CEP128: variants seen among roughly 807,000 people sequenced by gnomAD.
The protein encoded by CEP128 is centrosomal protein 128, also known as centrosomal protein 128kDa.
In CEP128, 132 loss-of-function variants were observed where a neutral mutation model predicts 156.7. The observed-to-expected ratio is 0.84, with a 90% CI of 0.73 to 0.97. The LOEUF is 0.97. Ranked by LOEUF, CEP128 falls within the 50% of genes least tolerant of loss-of-function variation. CEP128 has a pLI of 0.00. For missense variants in CEP128, 1,252 were observed against 1,281.9 expected (o/e 0.98, Z 0.36); for synonymous variants, 469 against 448.9 (o/e 1.04, Z -0.57).
upstream of CEP128, among the ~76,000 whole-genome samples, chr14:80,944,449 G>A (rs1886278776): frequency 6.6e-6 from 1 of 152,280 alleles, no homozygotes; most frequent in East Asian, 1.9e-4. Flanking sequence ...ATGTGAAGAA[G>A]GATGTGTTTG....
At chr14:80,714,500 T>G (rs1897531716) in intron 19 of CEP128, among the ~76,000 whole-genome samples, 1 of 152,206 alleles carries the variant, frequency 6.6e-6, no homozygotes, top group Admixed American at 6.5e-5. Context: ...TGCATGTATG[T>G]GTTTGTCCAA....
intron 16 of CEP128, among the ~76,000 whole-genome samples, chr14:80,764,837 A>G (rs1301046505): frequency 6.6e-6 from 1 of 152,198 alleles, no homozygotes; most frequent in African/African-American, 2.4e-5. Context: ...TAAGGCTTCT[A>G]AACTTCCAGG....
intron 19 of CEP128, among the ~76,000 whole-genome samples, chr14:80,720,073 G>A (rs1239802858): frequency 1.3e-5 from 2 of 152,102 alleles, no homozygotes; most frequent in Non-Finnish European, 2.9e-5. Context: ...CCTAAAGGAG[G>A]AGGCCAAAGC....
intron 15 of CEP128, among the ~76,000 whole-genome samples, chr14:80,781,029 A>T (rs775759256): frequency 6.6e-6 from 1 of 152,250 alleles, no homozygotes; most frequent in Non-Finnish European, 1.5e-5. Context: ...TCCATAAAAG[A>T]AGTACAAAAT....
At chr14:80,567,480 T>C (rs1890963437) in intron 20 of CEP128, among the ~76,000 whole-genome samples, 1 of 152,202 alleles carries the variant, frequency 6.6e-6, no homozygotes, top group Non-Finnish European at 1.5e-5. Context: ...GGTAGCTATA[T>C]GAAACTGACA....
rs773388325 is a variant in CEP128 at position 80,497,461 on chromosome 14, C to A, written c.*18G>T. On this transcript the variant is annotated 3_prime_UTR_variant, in exon 25 of 25. Coordinates refer to ENST00000555265, the MANE Select transcript of CEP128 (RefSeq NM_152446.5). ...TTTGTAACATACTCATGTAAAATAA[C>A]AAATTACATTTGCTTTTTTAGCTCC... 1.3e-5 allele frequency: 20 copies of A among 1,520,428 alleles called. No individual in the cohort carries two copies. In the South Asian group the frequency reaches 1.8e-4, roughly 14 times the overall value. 94.2% of individuals were successfully genotyped at this position (1,520,428 alleles called of 1,614,324 possible).
intron 19 of CEP128, among the ~76,000 whole-genome samples, chr14:80,713,532 C>T (rs1165155906): frequency 6.6e-6 from 1 of 151,936 alleles, no homozygotes; most frequent in Non-Finnish European, 1.5e-5. Flanking sequence ...GAGATGGTGC[C>T]TCCATTATCT....
intron 19 of CEP128, among the ~76,000 whole-genome samples, chr14:80,633,629 C>T (rs1259656754): frequency 6.6e-6 from 1 of 152,320 alleles, no homozygotes; most frequent in Non-Finnish European, 1.5e-5. Context: ...TATTCCCACA[C>T]CTAGGACAAG....
At chr14:80,939,099 G>A (rs1447584520) in intron 2 of CEP128, among the ~76,000 whole-genome samples, 1 of 152,176 alleles carries the variant, frequency 6.6e-6, no homozygotes, top group African/African-American at 2.4e-5. Flanking sequence ...TGTAAAAGGT[G>A]TCTGACAGAA....
intron 4 of CEP128, 29 bp downstream of exon 4, chr14:80,914,293 A>G: frequency 3.2e-6 from 5 of 1,557,046 alleles, no homozygotes; most frequent in Non-Finnish European, 4.4e-6. Flanking sequence ...GGTGGGTAGG[A>G]GAAAATGCAA....
At chr14:80,954,281 AAAAAG>A (rs1886546017) in intron 2 of CEP128, among the ~76,000 whole-genome samples, 1 of 152,134 alleles carries the variant, frequency 6.6e-6, no homozygotes, top group Non-Finnish European at 1.5e-5. Flanking sequence ...AAAGAAAAAA[AAAAAG>A]AAAAGAAAAT....
At chr14:80,844,877 T>C (rs79532877) in intron 9 of CEP128, among the ~76,000 whole-genome samples, 2 of 90,054 alleles carry the variant, frequency 2.2e-5, no homozygotes, top group Non-Finnish European at 4.8e-5. Flanking sequence ...TTTTCTCCAA[T>C]GAACAAACTT....
chr14:80,725,391 C>A (rs1897984016), intron 19 of CEP128, among the ~76,000 whole-genome samples: 1 of 151,890 alleles, frequency 6.6e-6, no homozygotes, highest in Non-Finnish European at 1.5e-5. Flanking sequence ...CCATGTTGGC[C>A]AGGCCGGTCT....
downstream of CEP128, among the ~76,000 whole-genome samples, chr14:80,485,508 T>C (rs1887142912): frequency 6.6e-6 from 1 of 152,154 alleles, no homozygotes; most frequent in South Asian, 2.1e-4. Flanking sequence ...ACTATTATCA[T>C]TGCTAATTAG....
At chr14:80,562,041 C>T (rs767994719) in intron 20 of CEP128, among the ~76,000 whole-genome samples, 1 of 151,770 alleles carries the variant, frequency 6.6e-6, no homozygotes, top group Admixed American at 6.6e-5. Context: ...CATTCTCCTG[C>T]CTCAGCCTCC....
intron 19 of CEP128, among the ~76,000 whole-genome samples, chr14:80,629,044 C>G (rs570437761): frequency 1.4e-4 from 13 of 95,932 alleles, no homozygotes; most frequent in Admixed American, 1.3e-3. Context: ...TAAACTCAAG[C>G]CTGTTTAAGA....
At chr14:80,648,549 A>G (rs1000681507) in intron 19 of CEP128, among the ~76,000 whole-genome samples, 3 of 152,066 alleles carry the variant, frequency 2.0e-5, no homozygotes, top group African/African-American at 4.8e-5. Context: ...CCTAAAGGAG[A>G]ACATAAGATG....
At chr14:80,766,883 G>A (rs1346975399) in intron 16 of CEP128, among the ~76,000 whole-genome samples, 5 of 152,044 alleles carry the variant, frequency 3.3e-5, no homozygotes, top group Non-Finnish European at 5.9e-5. Flanking sequence ...AAATAAAAAC[G>A]AATGCAATTT....
chr14:80,844,178 GT>G (rs1886483587), intron 9 of CEP128, among the ~76,000 whole-genome samples: 1 of 151,406 alleles, frequency 6.6e-6, no homozygotes, highest in South Asian at 2.1e-4. Context: ...AAAAAATTAA[GT>G]TTCTTTTCAA....
Sources: allele counts gnomAD v4.1 joint callset (sites outside exome capture counted in the v4.1 genomes callset), GRCh38; gene constraint gnomAD v4.1.1; transcripts MANE v1.5; gene names NCBI Gene and HGNC (gene_info 2026-07-23, HGNC 2026-07-21).